Variants in PHLDB2 observed in about 807,000 individuals in gnomAD.
PHLDB2 encodes the protein pleckstrin homology-like domain family B member 2.
A neutral mutation model predicts 123.6 loss-of-function variants in PHLDB2; 71 were observed. The ratio of observed to expected loss-of-function variants is 0.57; its 90% CI spans 0.47 to 0.70. PHLDB2 has a LOEUF of 0.70. PHLDB2 is among the 30% of genes least tolerant of loss of function. The probability of loss-of-function intolerance (pLI) is 0.00; values close to 1 mark genes in which losing one functional copy is unlikely to be tolerated. For synonymous variants in PHLDB2, 547 were observed against 541.6 expected (o/e 1.01, Z -0.14); for missense variants, 1,446 against 1,519.5 (o/e 0.95, Z 0.80).
At chr3:111,882,315 G>T (rs1340134746) in intron 1 of PHLDB2, among the ~76,000 whole-genome samples, 1 of 152,138 alleles carries the variant, frequency 6.6e-6, no homozygotes, top group Non-Finnish European at 1.5e-5. Flanking sequence ...GCCAACGAGA[G>T]GTGATGTTAG....
Position 111,974,492 on chromosome 3 carries a change from C to T in PHLDB2, c.3691C>T (p.Pro1231Ser). Residue 1231 changes from proline to serine, a missense_variant, in exon 18 of 18, where the codon CCA (proline) becomes TCA (serine). Around this residue, in one of 3 missense-constraint regions of PHLDB2, gnomAD observed 594 missense variants for 646.0 expected, o/e 0.92. Transcript: ENST00000431670. ...AATCTATTATATGGTAGCCCCATCGCCAGAAGCCATGCGGATCTGGATGGA... is the reference window on the plus strand; with the variant it reads ...AATCTATTATATGGTAGCCCCATCGTCAGAAGCCATGCGGATCTGGATGGA... Reference protein sequence around the residue: ...DRIYYMVAPSPEAMRIWMDVI... With the variant: ...DRIYYMVAPSSEAMRIWMDVI... The T allele has an allele frequency of 6.2e-7, 1 of 1,613,790 alleles. No homozygotes were observed. The highest frequency in any genetic ancestry group is 8.5e-7 in the Non-Finnish European group (1 of 1,179,822).
intron 1 of PHLDB2, among the ~76,000 whole-genome samples, chr3:111,834,211 A>AC (rs2063259164): frequency 1.2e-4 from 3 of 24,678 alleles, no homozygotes; most frequent in Non-Finnish European, 3.2e-4. Context: ...TTATATATGT[A>AC]ATAGAATTAT....
intron 10 of PHLDB2, among the ~76,000 whole-genome samples, chr3:111,951,909 G>A (rs2070739798): frequency 6.6e-6 from 1 of 152,108 alleles, no homozygotes; most frequent in African/African-American, 2.4e-5. Flanking sequence ...GTGAGGCCAA[G>A]AAAAATTTGA....
At chr3:111,942,889 G>A (rs956268954) in intron 8 of PHLDB2, among the ~76,000 whole-genome samples, 21 of 151,380 alleles carry the variant, frequency 1.4e-4, no homozygotes, top group African/African-American at 4.8e-4. Flanking sequence ...TCTTCAAACG[G>A]AAACACACAT....
intron 1 of PHLDB2, among the ~76,000 whole-genome samples, chr3:111,844,996 G>A (rs540654130): frequency 2.6e-5 from 4 of 152,222 alleles, no homozygotes; most frequent in Non-Finnish European, 5.9e-5. Context: ...GCAGGAATCC[G>A]GACTTAAAGT....
At chr3:111,891,444 A>C (rs1184381454) in intron 2 of PHLDB2, among the ~76,000 whole-genome samples, 1 of 151,644 alleles carries the variant, frequency 6.6e-6, no homozygotes, top group Admixed American at 6.6e-5. Context: ...TCCTTATGAG[A>C]GTCTAATGCC....
At chr3:111,885,793 T>G (rs1165408699) in intron 2 of PHLDB2, 1 of 579,886 alleles carries the variant, frequency 1.7e-6, no homozygotes, top group African/African-American at 1.9e-5. Flanking sequence ...TTGTGTATGG[T>G]TATGAGAAGT....
intron 1 of PHLDB2, among the ~76,000 whole-genome samples, chr3:111,812,147 A>G (rs905410714): frequency 2.0e-5 from 3 of 152,198 alleles, no homozygotes; most frequent in African/African-American, 7.2e-5. Flanking sequence ...AATATATTTC[A>G]GGCAGACAGA....
rs775448290 is a variant in PHLDB2 at position 111,884,345 on chromosome 3, G to A, written c.268G>A (p.Gly90Arg). ...CAGCCCCTCCTTAGCCAAAATCCAGGGAAGCAAGCAGTTCTCTTATGATGG... is the reference window on the plus strand; with the variant it reads ...CAGCCCCTCCTTAGCCAAAATCCAGAGAAGCAAGCAGTTCTCTTATGATGG... ...RSSPSLAKIQGSKQFSYDGTD... is the reference protein window; with the variant it reads ...RSSPSLAKIQRSKQFSYDGTD... The change falls in exon 2 of 18, where the codon GGA (glycine) becomes AGA (arginine). Residue 90 changes from glycine to arginine, a missense_variant. This residue lies in a region of PHLDB2 where 832 missense variants were observed against 831.9 expected (regional missense o/e 1.00). Coordinates refer to ENST00000431670, the MANE Select transcript of PHLDB2 (RefSeq NM_001134438.2). The A allele has an allele frequency of 6.2e-7, 1 of 1,614,108 alleles. No homozygotes were observed. The highest frequency in any genetic ancestry group is 1.1e-5 in the South Asian group (1 of 91,080).
chr3:111,900,026 T>A (rs2067100821), intron 2 of PHLDB2, among the ~76,000 whole-genome samples: 1 of 152,242 alleles, frequency 6.6e-6, no homozygotes, highest in South Asian at 2.1e-4. Flanking sequence ...ATGGAGACAA[T>A]GTCTTTCCTT....
chr3:111,956,100 TAGG>T (rs2071039753), intron 12 of PHLDB2, among the ~76,000 whole-genome samples: 1 of 152,098 alleles, frequency 6.6e-6, no homozygotes, highest in Non-Finnish European at 1.5e-5. Flanking sequence ...GAGGCTGAGG[TAGG>T]AGGATCGCTT....
chr3:111,809,871 A>G (rs2061752992), intron 1 of PHLDB2, among the ~76,000 whole-genome samples: 1 of 152,194 alleles, frequency 6.6e-6, no homozygotes, highest in South Asian at 2.1e-4. Flanking sequence ...TAGAGTAACA[A>G]ATTTCAGTTA....
intron 8 of PHLDB2, among the ~76,000 whole-genome samples, chr3:111,942,583 T>C (rs1212291236): frequency 6.6e-6 from 1 of 152,170 alleles, no homozygotes; most frequent in Non-Finnish European, 1.5e-5. Context: ...TTGTGGATTA[T>C]TTAATGCCAT....
chr3:111,834,367 T>G (rs1404055816), intron 1 of PHLDB2, among the ~76,000 whole-genome samples: 1 of 143,426 alleles, frequency 7.0e-6, no homozygotes, highest in Non-Finnish European at 1.5e-5. Context: ...ACTATATATA[T>G]AGTCATCTGA....
chr3:111,763,813 C>T (rs1041450064), intron 1 of PHLDB2, among the ~76,000 whole-genome samples: 1 of 152,116 alleles, frequency 6.6e-6, no homozygotes, highest in Non-Finnish European at 1.5e-5. Flanking sequence ...CATTCGTGAA[C>T]CAGGAAACAG....
At chr3:111,932,656 A>G (rs2069208294) in intron 6 of PHLDB2, among the ~76,000 whole-genome samples, 1 of 152,164 alleles carries the variant, frequency 6.6e-6, no homozygotes, top group Non-Finnish European at 1.5e-5. Context: ...TTGTGACAAA[A>G]GAAGCTATTT....
intron 1 of PHLDB2, among the ~76,000 whole-genome samples, chr3:111,863,128 T>G (rs943279163): frequency 7.2e-5 from 11 of 152,176 alleles, no homozygotes; most frequent in African/African-American, 2.7e-4. Flanking sequence ...GTGGGGCACG[T>G]GCCTGGGTGC....
At chr3:111,759,388 G>A (rs1284330678) in intron 1 of PHLDB2, among the ~76,000 whole-genome samples, 2 of 152,200 alleles carry the variant, frequency 1.3e-5, no homozygotes, top group Non-Finnish European at 2.9e-5. Context: ...ATTCATGAGA[G>A]TTTCAGCCTT....
intron 1 of PHLDB2, among the ~76,000 whole-genome samples, chr3:111,789,162 A>G (rs764372828): frequency 5.3e-5 from 8 of 152,216 alleles, no homozygotes; most frequent in Non-Finnish European, 2.9e-5. Context: ...CTCCTGGTCA[A>G]TCAAAGAGGT....
Sources: gnomAD v4.1 joint callset for allele counts (sites outside exome capture counted in the v4.1 genomes callset) on GRCh38, gnomAD v4.1.1 for gene constraint, gnomAD v4.1.1 regional missense constraint, MANE v1.5 for transcripts, NCBI Gene and HGNC (gene_info 2026-07-23, HGNC 2026-07-21) for gene names.